Variants in THAP5 observed in about 807,000 individuals in gnomAD.
The protein encoded by THAP5 is THAP domain containing 5.
In THAP5, 26 loss-of-function variants were observed where a neutral mutation model predicts 34.0. The ratio of observed to expected loss-of-function variants is 0.77; its 90% CI spans 0.56 to 1.06. THAP5 has a LOEUF of 1.06. THAP5 is among the 50% of genes least tolerant of loss of function. The pLI, the probability that THAP5 is intolerant of heterozygous loss-of-function variation, is 0.00. For missense variants in THAP5, 394 were observed against 452.8 expected (o/e 0.87, Z 1.18); for synonymous variants, 125 against 153.0 (o/e 0.82, Z 1.35).
At chr7:108,551,281 A>C (rs142220284), downstream of THAP5, among the ~76,000 whole-genome samples, 1,301 of 152,212 alleles carry the variant, frequency 8.5e-3, 21 homozygotes, top group African/African-American at 0.03. Flanking sequence ...CAGTGTTGGG[A>C]GGTGGGGCTT....
chr7:108,567,306 A>AT (rs1461571468), intron 1 of THAP5, among the ~76,000 whole-genome samples: 2 of 152,266 alleles, frequency 1.3e-5, no homozygotes, highest in East Asian at 3.9e-4. Context: ...AGGCAGACAA[A>AT]TTTTCTTTTA....
rs1388241021 is a variant in THAP5, at chr7:108,562,773, TAC to T, written c.*1416_*1417del. The T allele has an allele frequency of 1.3e-5, 2 of 152,336 alleles. No homozygotes were observed. Among genetic ancestry groups the T allele is most frequent in the East Asian group, 1.9e-4 (1 of 5,192 alleles). 9.4% of individuals were successfully genotyped at this position (152,336 alleles called of 1,614,324 possible). On this transcript the variant is annotated 3_prime_UTR_variant, in exon 3 of 3. Transcript: ENST00000415914. ...GTCATTACTACAAAATCTTTGCTTTTACAGTTTTCTTAAAATCATGTGAATAT... is the reference window on the plus strand; with the variant it reads ...GTCATTACTACAAAATCTTTGCTTTTAGTTTTCTTAAAATCATGTGAATAT...
intron 1 of THAP5, among the ~76,000 whole-genome samples, chr7:108,567,405 C>T (rs1200494554): frequency 6.6e-6 from 1 of 151,984 alleles, no homozygotes; most frequent in Admixed American, 6.5e-5. Context: ...ATGCTTTTTA[C>T]TGTAAATTCA....
chr7:108,566,023 C>A lies in THAP5; in HGVS notation c.81-1G>T, dbSNP rs1300913086. The A allele has an allele frequency of 2.0e-6, 3 of 1,496,150 alleles. No individual in the cohort carries two copies. The highest frequency in any genetic ancestry group is 2.7e-6 in the Non-Finnish European group (3 of 1,127,508). The allele number at this position is 1,496,150 out of a possible 1,614,324, so 92.7% of individuals were successfully genotyped here. The stretch of plus-strand genomic sequence containing the variant: ...TCTTTCTTTGTCATGTAGAGGAAAT[C>A]TGGAATTTAAAAAAAAAAGAAGAAA... On this transcript the variant is annotated splice_acceptor_variant, in intron 1 of 2. Coordinates refer to ENST00000415914, the MANE Select transcript of THAP5 (RefSeq NM_001130475.3). LOFTEE classifies it high-confidence loss of function.
chr7:108,554,196 C>G (rs540298816), downstream of THAP5, among the ~76,000 whole-genome samples: 2 of 152,262 alleles, frequency 1.3e-5, no homozygotes, highest in African/African-American at 4.8e-5. Flanking sequence ...AAAAAACTTT[C>G]TATTCTTTAT....
downstream of THAP5, among the ~76,000 whole-genome samples, chr7:108,558,547 G>A (rs1044090827): frequency 1.7e-4 from 26 of 150,722 alleles, no homozygotes; most frequent in Non-Finnish European, 1.9e-4. Flanking sequence ...ACAGGCACGC[G>A]CCACCACACC....
rs1429383200 is a variant in THAP5, at chr7:108,569,629, C to T, written c.-60G>A. 1.2e-5 allele frequency: 18 copies of T among 1,541,478 alleles called. No individual in the cohort carries two copies. The highest frequency in any genetic ancestry group is 2.7e-5 in the African/African-American group (2 of 72,918). On this transcript the variant is annotated 5_prime_UTR_variant, in exon 1 of 3. It adds an upstream start codon to the 5' untranslated region. Transcript: ENST00000415914. The stretch of plus-strand genomic sequence containing the variant: ...GACGGATGCAGGGCGGCCCTCCTCA[C>T]TGAGGATGCGCCACAGGTCCAGGCC...
the THAP5 span, among the ~76,000 whole-genome samples, chr7:108,542,923 A>T: frequency 6.7e-6 from 1 of 148,780 alleles, no homozygotes; most frequent in African/African-American, 2.4e-5. Context: ...TTTAAATTTA[A>T]TTTATTTTAT....
chr7:108,566,144 G>A, intron 1 of THAP5, 122 bp from the exon 2 acceptor site: 1 of 725,164 alleles, frequency 1.4e-6, no homozygotes, highest in Non-Finnish European at 2.2e-6. Context: ...CAAGAGGAAG[G>A]CAACCATCCC....
chr7:108,565,826 A>G lies in THAP5; in HGVS notation c.273+4T>C. On this transcript the variant is annotated splice_donor_region_variant and intron_variant, in intron 2 of 2. Coordinates refer to ENST00000415914, the MANE Select transcript of THAP5 (RefSeq NM_001130475.3). ...AGCATTACCCCTCTCCCATACTGCA[A>G]TACCTGATTGTCTTCAGGCAAAGAA... The G allele has an allele frequency of 1.3e-6, 2 of 1,540,248 alleles. No individual in the cohort carries two copies. Among genetic ancestry groups the G allele is most frequent in the Non-Finnish European group, 1.8e-6 (2 of 1,142,664 alleles).
At chr7:108,558,057 C>T (rs1446270715), downstream of THAP5, among the ~76,000 whole-genome samples, 2 of 151,920 alleles carry the variant, frequency 1.3e-5, no homozygotes, top group Non-Finnish European at 2.9e-5. Context: ...TTGTAAACAA[C>T]CACATCTCGT....
At chr7:108,553,997 C>A (rs1248164499), downstream of THAP5, among the ~76,000 whole-genome samples, 1 of 152,104 alleles carries the variant, frequency 6.6e-6, no homozygotes, top group African/African-American at 2.4e-5. Context: ...CCAATAAGGG[C>A]AGAATGAATG....
downstream of THAP5, among the ~76,000 whole-genome samples, chr7:108,550,551 T>C (rs40927): frequency 0.61 from 92,651 of 151,992 alleles, 29,195 homozygotes; most frequent in African/African-American, 0.78. Flanking sequence ...CTAGGACTAA[T>C]GTAACAAAAT....
chr7:108,559,753 GGA>G (rs3216998), downstream of THAP5, among the ~76,000 whole-genome samples: 2 of 151,766 alleles, frequency 1.3e-5, no homozygotes, highest in Non-Finnish European at 2.9e-5. Flanking sequence ...CATGGTGGCA[GGA>G]GAGAGAGAGA....
chr7:108,565,581 AT>A, intron 2 of THAP5: 1 of 288,270 alleles, frequency 3.5e-6, no homozygotes, highest in Non-Finnish European at 6.4e-6. Context: ...CAAAAAAAGT[AT>A]AAAAAATAAA....
At chr7:108,548,510 G>A in the THAP5 span, among the ~76,000 whole-genome samples, 1 of 152,154 alleles carries the variant, frequency 6.6e-6, no homozygotes, top group Non-Finnish European at 1.5e-5. Context: ...ATAAAATAAC[G>A]AATAGGTCAG....
At chr7:108,567,844 T>C (rs919842550) in intron 1 of THAP5, among the ~76,000 whole-genome samples, 2 of 152,250 alleles carry the variant, frequency 1.3e-5, no homozygotes, top group Non-Finnish European at 2.9e-5. Flanking sequence ...ATACAACTTT[T>C]ACTAAATTCA....
chr7:108,569,596 G>T lies in THAP5; in HGVS notation c.-27C>A. On this transcript the variant is annotated 5_prime_UTR_variant, in exon 1 of 3. Coordinates refer to ENST00000415914, the MANE Select transcript of THAP5 (RefSeq NM_001130475.3). The stretch of plus-strand genomic sequence containing the variant: ...ACTCGGGTGAGGCCCCTGGAGACCG[G>T]GGCCGGCGACGGATGCAGGGCGGCC... The T allele has an allele frequency of 4.5e-6, 7 of 1,550,150 alleles. No individual in the cohort carries two copies. Among genetic ancestry groups the T allele is most frequent in the Non-Finnish European group, 6.1e-6 (7 of 1,147,002 alleles).
Position 108,564,028 on chromosome 7 carries a change from C to T in THAP5, c.*163G>A. Reference sequence around the variant, plus strand: ...TCTCCAGCCCAACTCTCTGGTTTTTCTTAAATAAGTATTACAAGAATAGGA... The same window carrying T: ...TCTCCAGCCCAACTCTCTGGTTTTTTTTAAATAAGTATTACAAGAATAGGA... On this transcript the variant is annotated 3_prime_UTR_variant, in exon 3 of 3. Coordinates refer to ENST00000415914, the MANE Select transcript of THAP5 (RefSeq NM_001130475.3). The T allele has an allele frequency of 1.9e-6, 1 of 538,720 alleles. No homozygotes were observed. Among genetic ancestry groups the T allele is most frequent in the South Asian group, 5.8e-5 (1 of 17,314 alleles). The allele number at this position is 538,720 out of a possible 1,614,324, so 33.4% of individuals were successfully genotyped here.
Sources: gnomAD v4.1 joint callset for allele counts (sites outside exome capture counted in the v4.1 genomes callset) on GRCh38, gnomAD v4.1.1 for gene constraint, MANE v1.5 for transcripts, NCBI Gene and HGNC (gene_info 2026-07-23, HGNC 2026-07-21) for gene names.